Variants in REDIC1 observed in about 807,000 individuals in gnomAD.
REDIC1 encodes the protein HEI10 Interacting Protein 1.
the REDIC1 span, chr12:39,736,929 C>T: frequency 2.0e-5 from 3 of 152,258 alleles, no homozygotes; most frequent in African/African-American, 4.8e-5. Flanking sequence ...TCCTGCTAAC[C>T]CTGCTCAGAT....
the REDIC1 span, among the ~76,000 whole-genome samples, chr12:39,786,968 C>T: frequency 6.9e-6 from 1 of 144,516 alleles, no homozygotes; most frequent in East Asian, 2.0e-4. Flanking sequence ...GAGACATGGG[C>T]ATATTTTCTG....
chr12:39,754,090 G>T, the REDIC1 span, among the ~76,000 whole-genome samples: 2 of 152,076 alleles, frequency 1.3e-5, no homozygotes, highest in African/African-American at 4.8e-5. Flanking sequence ...ATCTGCCTGG[G>T]TCTGAAAAGA....
chr12:39,800,173 C>T, the REDIC1 span, among the ~76,000 whole-genome samples: 1 of 152,144 alleles, frequency 6.6e-6, no homozygotes, highest in Non-Finnish European at 1.5e-5. Flanking sequence ...AAATCCTTGG[C>T]ATTTTTGCAG....
the REDIC1 span, among the ~76,000 whole-genome samples, chr12:39,766,168 A>C: frequency 6.6e-6 from 1 of 152,064 alleles, no homozygotes; most frequent in African/African-American, 2.4e-5. Flanking sequence ...CTACACCCAG[A>C]TCTGCCTTTG....
the REDIC1 span, among the ~76,000 whole-genome samples, chr12:39,800,040 C>G: frequency 3.9e-5 from 6 of 152,040 alleles, no homozygotes; most frequent in Non-Finnish European, 8.8e-5. Flanking sequence ...AGATTTTTGC[C>G]AAGTAAACAT....
chr12:39,800,386 A>G, the REDIC1 span, among the ~76,000 whole-genome samples: 1 of 151,724 alleles, frequency 6.6e-6, no homozygotes, highest in African/African-American at 2.4e-5. Flanking sequence ...AATGAACTCA[A>G]ACAAATTTAC....
chr12:39,767,517 A>C, the REDIC1 span, among the ~76,000 whole-genome samples: 11 of 152,146 alleles, frequency 7.2e-5, no homozygotes, highest in African/African-American at 2.6e-4. Context: ...ATCTCCTAAC[A>C]AGAGACCCAG....
the REDIC1 span, among the ~76,000 whole-genome samples, chr12:39,863,479 G>A: frequency 3.9e-5 from 6 of 152,096 alleles, no homozygotes; most frequent in African/African-American, 1.4e-4. Flanking sequence ...CATTAGATCT[G>A]GAGAATATTC....
chr12:39,683,012 A>G, the REDIC1 span: 1 of 1,613,368 alleles, frequency 6.2e-7, no homozygotes, highest in East Asian at 2.2e-5. Flanking sequence ...TCGACTTTGA[A>G]TAAAACAAGT....
At chr12:39,867,618 A>T in the REDIC1 span, among the ~76,000 whole-genome samples, 19 of 152,360 alleles carry the variant, frequency 1.2e-4, no homozygotes, top group African/African-American at 4.1e-4. Context: ...TATGAGAAAT[A>T]AACTATTCTG....
the REDIC1 span, among the ~76,000 whole-genome samples, chr12:39,642,462 T>A: frequency 6.6e-6 from 1 of 151,602 alleles, no homozygotes; most frequent in Admixed American, 6.6e-5. Context: ...AAACAATAAT[T>A]TCCATACCTT....
chr12:39,684,308 T>C, the REDIC1 span: 1 of 928,454 alleles, frequency 1.1e-6, no homozygotes, highest in African/African-American at 1.8e-5. Flanking sequence ...GTCCTAACTT[T>C]CTTGGTAATA....
At chr12:39,699,685 A>G in the REDIC1 span, among the ~76,000 whole-genome samples, 1 of 152,202 alleles carries the variant, frequency 6.6e-6, no homozygotes, top group Non-Finnish European at 1.5e-5. Context: ...GCAGACTTAA[A>G]TGTCCCTGTC....
chr12:39,798,700 C>A, the REDIC1 span, among the ~76,000 whole-genome samples: 1 of 152,184 alleles, frequency 6.6e-6, no homozygotes, highest in Non-Finnish European at 1.5e-5. Context: ...AGATCACATC[C>A]ATTCCAGTCT....
chr12:39,691,980 A>G, the REDIC1 span: 371 of 1,345,032 alleles, frequency 2.8e-4, 1 homozygote, highest in Middle Eastern at 3.8e-4. Context: ...TGGTAGTGTA[A>G]ATAAGGTAGA....
the REDIC1 span, among the ~76,000 whole-genome samples, chr12:39,709,223 T>C: frequency 1.5e-5 from 1 of 68,788 alleles, no homozygotes; most frequent in Admixed American, 1.6e-4. Flanking sequence ...CTTAGACTTA[T>C]GTGTTTTTTT....
chr12:39,676,352 T>C, the REDIC1 span, among the ~76,000 whole-genome samples: 1 of 152,038 alleles, frequency 6.6e-6, no homozygotes, highest in South Asian at 2.1e-4. Context: ...AAGAAAGAAC[T>C]TGAGTTTGAA....
At chr12:39,782,391 G>A in the REDIC1 span, among the ~76,000 whole-genome samples, 77 of 152,218 alleles carry the variant, frequency 5.1e-4, no homozygotes, top group East Asian at 0.011. Flanking sequence ...TAAGTGTCAC[G>A]AAATCTGATG....
At chr12:39,830,547 T>G in the REDIC1 span, 5 of 996,622 alleles carry the variant, frequency 5.0e-6, no homozygotes, top group Non-Finnish European at 6.1e-6. Context: ...CCACTGAGAT[T>G]TGTTACCAAA....
Sources: gnomAD v4.1 joint callset for allele counts (sites outside exome capture counted in the v4.1 genomes callset) on GRCh38, gnomAD v4.1.1 for gene constraint, MANE v1.5 for transcripts, NCBI Gene and HGNC (gene_info 2026-07-23, HGNC 2026-07-21) for gene names.